FAM149A: variants seen among roughly 807,000 people sequenced by gnomAD.
The protein encoded by FAM149A is family with sequence similarity 149 member A.
Under a neutral mutation model 78.2 loss-of-function variants are expected in FAM149A, and 71 were observed. That is an observed-to-expected ratio of 0.91 (90% CI 0.75 to 1.11). The LOEUF (loss-of-function observed/expected upper bound fraction) is 1.11, where lower values mean the gene tolerates loss of function less well. Ranked by LOEUF, FAM149A falls within the 50% of genes least tolerant of loss-of-function variation. FAM149A has a pLI of 0.00. For synonymous variants in FAM149A, 446 were observed against 410.5 expected (o/e 1.09, Z -1.04); for missense variants, 1,036 against 971.0 (o/e 1.07, Z -0.89).
intron 9 of FAM149A, 92 bp downstream of exon 9, chr4:186,163,040 AG>A: frequency 1.3e-6 from 1 of 789,618 alleles, no homozygotes; most frequent in Non-Finnish European, 2.2e-6. Flanking sequence ...GAGATCACGA[AG>A]GTCCCATTTA....
intron 8 of FAM149A, 35 bp from the exon 9 acceptor site, chr4:186,162,810 C>CTTTTTTTTTTTTTTT (rs56973296): frequency 1.6e-5 from 9 of 563,118 alleles, no homozygotes; most frequent in Middle Eastern, 3.7e-4. Context: ...ATTTGTAATT[C>CTTTTTTTTTTTTTTT]TTTTTTTTTT....
At chr4:186,158,445 C>T (rs574474281) in intron 8 of FAM149A, 1 of 1,146,012 alleles carries the variant, frequency 8.7e-7, no homozygotes, top group East Asian at 6.3e-5. Context: ...GTGACACCAT[C>T]CCCCAGGAAC....
At chr4:186,155,764 G>A (rs185058269) in intron 6 of FAM149A, among the ~76,000 whole-genome samples, 100 of 151,696 alleles carry the variant, frequency 6.6e-4, no homozygotes, top group African/African-American at 2.2e-3. Flanking sequence ...GCTCAGAGCC[G>A]AAATAAATGA....
At chr4:186,119,588 C>T (rs1370915698) in intron 1 of FAM149A, among the ~76,000 whole-genome samples, 1 of 152,184 alleles carries the variant, frequency 6.6e-6, no homozygotes, top group Non-Finnish European at 1.5e-5. Context: ...ATCTTAGAAT[C>T]ATTGCCTTCT....
At chr4:186,117,580 T>C (rs1033503249) in intron 1 of FAM149A, 1 of 985,348 alleles carries the variant, frequency 1.0e-6, no homozygotes. Flanking sequence ...ACCAAAGCAG[T>C]GTGAGCAAAG....
chr4:186,105,151 C>G lies in FAM149A; in HGVS notation c.75C>G (p.Gly25=). The G allele has an allele frequency of 7.8e-7, 1 of 1,280,122 alleles. No homozygotes were observed. The highest frequency in any genetic ancestry group is 1.0e-6 in the Non-Finnish European group (1 of 984,864). 79.3% of individuals were successfully genotyped at this position (1,280,122 alleles called of 1,614,324 possible). A position where few individuals can be genotyped will look rare whatever the true frequency, so the allele number is the denominator to read the frequency against. ...AGACCTCGACGGCGCCCCCCGCAGG[C>G]CCCTCCTCCAGACCCTCGGGAGGTG... Residue 25 remains glycine (G), a synonymous_variant, in exon 1 of 14, where the codon GGC becomes GGG. Coordinates refer to ENST00000389354, the MANE Select transcript of FAM149A (RefSeq NM_001367768.3).
At position 186,144,890 on chromosome 4, in the gene FAM149A, C is replaced by A; in HGVS notation, c.567-4283C>A. 1.0e-6 allele frequency: 1 copy of A among 974,720 alleles called. No homozygotes were observed. Among genetic ancestry groups the A allele is most frequent in the Non-Finnish European group, 1.2e-6 (1 of 824,062 alleles). 60.4% of individuals were successfully genotyped at this position (974,720 alleles called of 1,614,324 possible). The stretch of plus-strand genomic sequence containing the variant: ...GCGTGCGAGCCCCGCGGACCCCGGG[C>A]GCGCCCGGGCCGCCTGAGCTGGGCC... On this transcript the variant is annotated intron_variant, in intron 1 of 13. Transcript: ENST00000389354. This position sits in a 1 kb window ranked among gnomAD's most constrained non-coding sequence, Gnocchi z 4.2.
At chr4:186,169,879 A>C (rs762569456) in intron 13 of FAM149A, 9 of 985,300 alleles carry the variant, frequency 9.1e-6, no homozygotes, top group Non-Finnish European at 1.1e-5. Context: ...AAGAGCTATT[A>C]GAAGAGAGAA....
chr4:186,156,980 T>A (rs1328864730), intron 7 of FAM149A, among the ~76,000 whole-genome samples: 1 of 152,158 alleles, frequency 6.6e-6, no homozygotes, highest in Non-Finnish European at 1.5e-5. Flanking sequence ...GCAGTGCATA[T>A]GCAGTCTGGA....
At chr4:186,153,386 C>T in intron 4 of FAM149A, 9 of 980,786 alleles carry the variant, frequency 9.2e-6, no homozygotes, top group Non-Finnish European at 8.5e-6. Context: ...TGCAAGGTAA[C>T]CATTATTATC....
chr4:186,144,778 T>C lies in FAM149A; in HGVS notation c.567-4395T>C. On this transcript the variant is annotated intron_variant, in intron 1 of 13. Coordinates refer to ENST00000389354, the MANE Select transcript of FAM149A (RefSeq NM_001367768.3). This position sits in a 1 kb window ranked among gnomAD's most constrained non-coding sequence, Gnocchi z 4.2. ...CGGGGATGGGCGGGCGCAGCCGGGA[T>C]TAGCTGGCGGGCGAGGGCGCAGCGC... 1.0e-6 allele frequency: 1 copy of C among 959,012 alleles called. No homozygotes were observed. Among genetic ancestry groups the C allele is most frequent in the East Asian group, 1.2e-4 (1 of 8,454 alleles). The allele number at this position is 959,012 out of a possible 1,614,324, so 59.4% of individuals were successfully genotyped here.
At position 186,108,606 on chromosome 4, in the gene FAM149A, G is replaced by A. The variant is rs190484487; in HGVS notation, c.566+2964G>A. ...GGCTGCCCCTTTTGCTCCACAGGGC[G>A]TACTGACTGCACATCTGAGCCAGAG... On this transcript the variant is annotated intron_variant, in intron 1 of 13. Transcript: ENST00000389354. Among the ~76,000 whole-genome samples the A allele has an allele frequency of 2.3e-3, 349 of 152,144 alleles. 1 individual carries two copies. Among genetic ancestry groups the A allele is most frequent in the Non-Finnish European group, 3.9e-3 (266 of 68,012 alleles).
At chr4:186,138,200 G>C (rs878953515) in intron 1 of FAM149A, among the ~76,000 whole-genome samples, 1 of 152,078 alleles carries the variant, frequency 6.6e-6, no homozygotes, top group Admixed American at 6.6e-5. Context: ...GTACTATTCA[G>C]GGTTTTTCAG....
rs567666176 is a variant in FAM149A, at chr4:186,122,837, C to G, written c.566+17195C>G. The G allele has an allele frequency of 4.5e-5, 29 of 649,366 alleles. No individual in the cohort carries two copies. The South Asian group carries it at 1.9e-3, about 43-fold the overall frequency. 40.2% of individuals were successfully genotyped at this position (649,366 alleles called of 1,614,324 possible). A position where few individuals can be genotyped will look rare whatever the true frequency, so the allele number is the denominator to read the frequency against. On this transcript the variant is annotated intron_variant, in intron 1 of 13. Transcript: ENST00000389354. ...CAAAAGATCGTAAGTAAATTCTTGC[C>G]TCCTTTTTTGGAGACTAAGTGGTTC...
intron 1 of FAM149A, chr4:186,124,352 T>C (rs1375829893): frequency 3.0e-6 from 1 of 335,116 alleles, no homozygotes; most frequent in Non-Finnish European, 4.2e-6. Flanking sequence ...CATGTTGCTG[T>C]GCTGCACCCA....
chr4:186,136,957 TC>T lies in FAM149A; in HGVS notation c.567-12215del, dbSNP rs1445174988. 9.2e-3 allele frequency among the ~76,000 whole-genome samples: 960 copies of T among 104,328 alleles called. 7 individuals carry two copies. Among genetic ancestry groups the T allele is most frequent in the Middle Eastern group, 0.029 (6 of 208 alleles). 68.4% of individuals were successfully genotyped at this position (104,328 alleles called of 152,430 possible). ...ATTGATCTCTCTCTCTCTCTCTCTC[TC>T]TCTCTTTCTCTCTCTCTTTCTCTCT... is the stretch of plus-strand genomic sequence containing the variant. On this transcript the variant is annotated intron_variant, in intron 1 of 13. Transcript: ENST00000389354.
intron 1 of FAM149A, chr4:186,124,043 G>A: frequency 1.0e-6 from 1 of 974,812 alleles, no homozygotes; most frequent in Non-Finnish European, 1.2e-6. Flanking sequence ...ACTTGGTAGT[G>A]GGTGGCCACT....
rs998502933 is a variant in FAM149A at position 186,153,420 on chromosome 4, CAA to C, written c.933-223_933-222del. On this transcript the variant is annotated intron_variant, in intron 4 of 13. Coordinates refer to ENST00000389354, the MANE Select transcript of FAM149A (RefSeq NM_001367768.3). ...TCCTGTTTTGCAAATGAAAGACAAA[CAA>C]ATGAAATTAGCCTGAGAACCTTGCC... The C allele has an allele frequency of 1.2e-5, 12 of 985,146 alleles. No individual in the cohort carries two copies. In the African/African-American group the frequency reaches 1.9e-4, roughly 16 times the overall value. The allele number at this position is 985,146 out of a possible 1,614,324, so 61.0% of individuals were successfully genotyped here. A position where few individuals can be genotyped will look rare whatever the true frequency, so the allele number is the denominator to read the frequency against.
intron 8 of FAM149A, among the ~76,000 whole-genome samples, chr4:186,159,791 C>T (rs1734363335): frequency 6.6e-6 from 1 of 151,980 alleles, no homozygotes; most frequent in African/African-American, 2.4e-5. Context: ...GTAGTGGTGC[C>T]AAGGAGGTTG....
Sources: allele counts gnomAD v4.1 joint callset (sites outside exome capture counted in the v4.1 genomes callset), GRCh38; gene constraint gnomAD v4.1.1; non-coding constraint Gnocchi (gnomAD v3.1); transcripts MANE v1.5; gene names NCBI Gene and HGNC (gene_info 2026-07-23, HGNC 2026-07-21).